TJP2: variants seen among roughly 807,000 people sequenced by gnomAD.
TJP2 encodes the protein tight junction protein 2, also known as Friedreich ataxia region gene X104 (tight junction protein ZO-2).
TJP2 carries 91 observed loss-of-function variants against 133.1 expected under a neutral mutation model. The observed-to-expected ratio is 0.68, with a 90% CI of 0.58 to 0.81. The LOEUF is 0.81. TJP2 is among the 40% of genes least tolerant of loss of function. TJP2 has a pLI of 0.00. For missense variants in TJP2, 1,541 were observed against 1,565.6 expected (o/e 0.98, Z 0.26); for synonymous variants, 592 against 583.4 (o/e 1.01, Z -0.21).
intron 14 of TJP2, 35 bp from the exon 15 acceptor site, chr9:69,237,843 T>C: frequency 7.0e-7 from 1 of 1,423,496 alleles, no homozygotes; most frequent in Non-Finnish European, 9.9e-7. Context: ...GCTAGGCAAG[T>C]GTGTATGCTT....
intron 16 of TJP2, 150 bp from the exon 17 acceptor site, chr9:69,239,787 C>A: frequency 2.5e-6 from 2 of 795,156 alleles, no homozygotes; most frequent in Non-Finnish European, 4.1e-6. Context: ...GCACTCCAGC[C>A]TGGGCAACAG....
In TJP2 at chr9:69,165,395, C is replaced by T. The variant is rs541492200; in HGVS notation, c.-10+13624C>T. Among the ~76,000 whole-genome samples, 4 of 152,278 alleles carry T rather than the reference C, an allele frequency of 2.6e-5. No homozygotes were observed. In the South Asian group the frequency reaches 8.3e-4, roughly 32 times the overall value. On this transcript the variant is annotated intron_variant, in intron 2 of 5. Transcript: ENST00000423935. Reference sequence around the variant, plus strand: ...TCATGTGATCCTCTCACCTTGGTCTCCCAAAGTGCTGTGATTACAGGTGTG... The same window carrying T: ...TCATGTGATCCTCTCACCTTGGTCTTCCAAAGTGCTGTGATTACAGGTGTG...
At chr9:69,242,570 C>T (rs1218169701) in intron 17 of TJP2, among the ~76,000 whole-genome samples, 1 of 152,154 alleles carries the variant, frequency 6.6e-6, no homozygotes, top group Non-Finnish European at 1.5e-5. Context: ...CAGAAATTGC[C>T]AATCTCTTAT....
chr9:69,248,527 C>T, intron 19 of TJP2: 3 of 1,291,434 alleles, frequency 2.3e-6, no homozygotes, highest in Non-Finnish European at 2.9e-6. Context: ...CGGAACCTTC[C>T]TTCCCATGCA....
chr9:69,173,107 G>C (rs1163276493), upstream of TJP2, among the ~76,000 whole-genome samples: 1 of 152,146 alleles, frequency 6.6e-6, no homozygotes, highest in African/African-American at 2.4e-5. Context: ...GACTTGTTTT[G>C]ATCAGGCAGG....
intron 2 of TJP2, among the ~76,000 whole-genome samples, chr9:69,215,114 T>C (rs776866650): frequency 6.6e-6 from 1 of 152,004 alleles, no homozygotes; most frequent in East Asian, 1.9e-4. Flanking sequence ...GAGCTAAACA[T>C]TGGGTACACA....
At chr9:69,214,595 G>A (rs1258140597) in intron 2 of TJP2, among the ~76,000 whole-genome samples, 2 of 152,058 alleles carry the variant, frequency 1.3e-5, no homozygotes, top group South Asian at 2.1e-4. Flanking sequence ...CGGGCCGGGC[G>A]CAGTAGCTCA....
chr9:69,235,995 C>G, intron 12 of TJP2, 33 bp from the exon 13 acceptor site: 1 of 1,604,082 alleles, frequency 6.2e-7, no homozygotes. Context: ...TTGTACTAAG[C>G]TGAATGCAAC....
chr9:69,253,279 A>C, intron 22 of TJP2: 1 of 277,248 alleles, frequency 3.6e-6, no homozygotes, highest in Non-Finnish European at 6.9e-6. Context: ...TCATCCAGCA[A>C]AGTCAGACCG....
intron 4 of TJP2, among the ~76,000 whole-genome samples, chr9:69,219,226 C>T (rs1305229227): frequency 6.6e-6 from 1 of 152,164 alleles, no homozygotes; most frequent in Non-Finnish European, 1.5e-5. Flanking sequence ...GCCTTGGCCT[C>T]CCAAAGTGCT....
intron 10 of TJP2, among the ~76,000 whole-genome samples, chr9:69,229,665 A>G (rs1053475440): frequency 6.6e-6 from 1 of 152,148 alleles, no homozygotes; most frequent in Non-Finnish European, 1.5e-5. Context: ...GCACTTGATA[A>G]TCAGAACCCC....
chr9:69,239,295 G>A (rs955804248), intron 16 of TJP2, among the ~76,000 whole-genome samples: 1 of 149,826 alleles, frequency 6.7e-6, no homozygotes, highest in Admixed American at 6.6e-5. Flanking sequence ...TGGGCGACAA[G>A]AGTGAAACTC....
At chr9:69,182,186 G>T (rs1825561985) in intron 1 of TJP2, among the ~76,000 whole-genome samples, 1 of 152,178 alleles carries the variant, frequency 6.6e-6, no homozygotes, top group Admixed American at 6.5e-5. Flanking sequence ...ATAACTTCAG[G>T]CATGTTGGAG....
At chr9:69,207,311 T>C (rs557859974) in intron 1 of TJP2, among the ~76,000 whole-genome samples, 5 of 152,366 alleles carry the variant, frequency 3.3e-5, no homozygotes, top group African/African-American at 1.2e-4. Context: ...TATCACACTC[T>C]ACAAATCCTT....
chr9:69,221,471 C>T lies in TJP2; in HGVS notation c.927C>T (p.Leu309=). ...PRGRPGPIGV[L]LMKSRANEEY... ...GGCGGCCGGGGCCCATCGGGGTCCT[C>T]CTGATGAAAAGCAGAGCGAACGAAG... is the stretch of plus-strand genomic sequence containing the variant. Residue 309 remains leucine, a synonymous_variant, in exon 5 of 23, where the codon CTC becomes CTT. Transcript: ENST00000377245. 6.2e-7 allele frequency: 1 copy of T among 1,600,596 alleles called. No homozygotes were observed.
At chr9:69,236,816 C>T (rs1830224683) in intron 13 of TJP2, 133 bp from the exon 14 acceptor site, 2 of 1,090,628 alleles carry the variant, frequency 1.8e-6, no homozygotes, top group East Asian at 4.7e-5. Context: ...ATTTCCCACC[C>T]TCTGAAACTT....
intron 1 of TJP2, among the ~76,000 whole-genome samples, chr9:69,197,370 G>T (rs1192216850): frequency 6.6e-6 from 1 of 152,168 alleles, no homozygotes; most frequent in Non-Finnish European, 1.5e-5. Context: ...CGTTTATCCA[G>T]TCATCAGTTG....
chr9:69,146,052 G>A (rs1823198619), intron 1 of TJP2, among the ~76,000 whole-genome samples: 1 of 152,090 alleles, frequency 6.6e-6, no homozygotes. Flanking sequence ...GGTGTGTCTA[G>A]AGCCCATTTT....
chr9:69,214,305 CGAACTCCTG>C (rs1486297554), intron 2 of TJP2, among the ~76,000 whole-genome samples: 1 of 151,980 alleles, frequency 6.6e-6, no homozygotes, highest in Non-Finnish European at 1.5e-5. Flanking sequence ...AGGCTGATCT[CGAACTCCTG>C]GACTCAAGCA....
Sources: allele counts gnomAD v4.1 joint callset (sites outside exome capture counted in the v4.1 genomes callset), GRCh38; gene constraint gnomAD v4.1.1; transcripts MANE v1.5; gene names NCBI Gene and HGNC (gene_info 2026-07-23, HGNC 2026-07-21).